The following ATP6V0A4 variants were observed in gnomAD, a reference collection of about 807,000 sequenced individuals.
ATP6V0A4 encodes the protein V-type proton ATPase 116 kDa subunit a 4.
ATP6V0A4 carries 86 observed loss-of-function variants against 107.3 expected under a neutral mutation model. The observed-to-expected ratio is 0.80, with a 90% CI of 0.67 to 0.96. ATP6V0A4 has a LOEUF of 0.96. ATP6V0A4 is among the 40% of genes least tolerant of loss of function. ATP6V0A4 has a pLI of 0.00. For missense variants in ATP6V0A4, 908 were observed against 1,045.6 expected, an observed-to-expected ratio of 0.87 and a Z score of 1.81; for synonymous variants, 353 against 381.4, an observed-to-expected ratio of 0.93 and a Z score of 0.87.
chr7:138,706,627 C>G lies in ATP6V0A4; in HGVS notation c.2520G>C (p.Glu840Asp). The G allele has an allele frequency of 6.2e-7, 1 of 1,613,936 alleles. No individual in the cohort carries two copies. The highest frequency in any genetic ancestry group is 8.5e-7 in the Non-Finnish European group (1 of 1,179,918). ...FKHILDGTAE[E>D] ...CGTGGGAGGTGCAGCCCTCAGCCTACTCCTCGGCTGTGCCATCCAGGATGT... is the reference window on the plus strand; with the variant it reads ...CGTGGGAGGTGCAGCCCTCAGCCTAGTCCTCGGCTGTGCCATCCAGGATGT... Residue 840 changes from glutamate (E) to aspartate (D), a missense_variant, in exon 22 of 22, where the codon GAG becomes GAC. Physicochemically the swap from Glu to Asp is conservative, Grantham distance 45. Transcript: ENST00000310018.
chr7:138,771,324 G>A lies in ATP6V0A4; in HGVS notation c.-17-60C>T, dbSNP rs1028805037. 50 of 1,566,696 alleles carry A rather than the reference G, an allele frequency of 3.2e-5. No homozygotes were observed. In the African/African-American group the frequency reaches 5.5e-4, roughly 17 times the overall value. On this transcript the variant is annotated intron_variant, in intron 2 of 21. Transcript: ENST00000310018. ...AGGTAATAAATGTGTGAAAACCTTAGGGTGAAATTTTTAAGTTAAATTAAA... is the reference window on the plus strand; with the variant it reads ...AGGTAATAAATGTGTGAAAACCTTAAGGTGAAATTTTTAAGTTAAATTAAA...
At chr7:138,759,706 G>T (rs1392732079) in intron 8 of ATP6V0A4, 46 bp downstream of exon 8, 1 of 1,599,696 alleles carries the variant, frequency 6.3e-7, no homozygotes, top group Non-Finnish European at 8.6e-7. Context: ...TCTGCTGAGG[G>T]CTATGGGAAG....
rs368646400 is a variant in ATP6V0A4 at position 138,798,050 on chromosome 7, G to A, written c.-137C>T. The A allele has an allele frequency of 2.5e-3, 3,964 of 1,559,220 alleles. 129 individuals are homozygous for A. In the South Asian group the frequency reaches 0.045, roughly 18 times the overall value. ...TCGACTCACCTGCAGCAGGCACTCG[G>A]CACAACTCCGCAGGACCGGCTCACC... On this transcript the variant is annotated 5_prime_UTR_variant, in exon 1 of 22. Transcript: ENST00000310018.
intron 10 of ATP6V0A4, among the ~76,000 whole-genome samples, chr7:138,754,721 C>T (rs372135547): frequency 8.3e-4 from 126 of 152,068 alleles, no homozygotes; most frequent in African/African-American, 2.9e-3. Context: ...CTCTCAGGTT[C>T]AAACGATTCT....
At position 138,732,897 on chromosome 7, in the gene ATP6V0A4, C is replaced by T. The variant is rs73730479; in HGVS notation, c.1888G>A (p.Ala630Thr). ...FLFNYSDSSN[A>T]PLYKHQQEVQ... is the part of the protein sequence containing the mutation. The stretch of plus-strand genomic sequence containing the variant: ...AATACCTGATGTTTGTAGAGGGGTG[C>T]GTTGGAAGAGTCACTGTAGTTAAAC... The change falls in exon 17 of 22, where the codon GCA becomes ACA. Residue 630 changes from alanine (A) to threonine (T), a missense_variant. Ala to Thr is a moderately conservative substitution (Grantham distance 58). Coordinates refer to ENST00000310018, the MANE Select transcript of ATP6V0A4 (RefSeq NM_020632.3). 8.3e-3 allele frequency: 13,398 copies of T among 1,609,448 alleles called. 519 individuals carry two copies. In the African/African-American group the frequency reaches 0.1, roughly 12 times the overall value.
rs1806523596 is a variant in ATP6V0A4, at chr7:138,756,554, A to G, written c.640-14T>C. The G allele has an allele frequency of 6.3e-7, 1 of 1,598,466 alleles. No individual in the cohort carries two copies. The highest frequency in any genetic ancestry group is 8.5e-7 in the Non-Finnish European group (1 of 1,174,222). ...AATTTCTTCTTTCTGGAAAATCAGA[A>G]TAAGTTAAAAAAAAAGGGGGGGGTT... On this transcript the variant is annotated splice_polypyrimidine_tract_variant and intron_variant, in intron 8 of 21. Transcript: ENST00000310018.
At chr7:138,758,770 T>TTTTTTTTTGG (rs1806637554) in intron 8 of ATP6V0A4, among the ~76,000 whole-genome samples, 6 of 80,774 alleles carry the variant, frequency 7.4e-5, no homozygotes, top group African/African-American at 1.8e-4. Flanking sequence ...TTTTTTTTTT[T>TTTTTTTTTGG]GAGGGAGTCT....
At chr7:138,775,457 A>G (rs1318163308) in intron 2 of ATP6V0A4, among the ~76,000 whole-genome samples, 1 of 152,046 alleles carries the variant, frequency 6.6e-6, no homozygotes, top group Non-Finnish European at 1.5e-5. Flanking sequence ...CTAGGATTCA[A>G]GTTTCCTAGA....
At chr7:138,763,973 A>T (rs995074629) in intron 5 of ATP6V0A4, among the ~76,000 whole-genome samples, 45 of 143,324 alleles carry the variant, frequency 3.1e-4, no homozygotes, top group African/African-American at 1.0e-3. Flanking sequence ...TCTCAAAAAA[A>T]AAATATATAT....
intron 3 of ATP6V0A4, among the ~76,000 whole-genome samples, chr7:138,770,372 T>C (rs1807321058): frequency 6.6e-6 from 1 of 152,126 alleles, no homozygotes; most frequent in African/African-American, 2.4e-5. Context: ...AATGGGGTCA[T>C]AAAAATGACC....
chr7:138,771,405 T>G, intron 2 of ATP6V0A4, 141 bp from the exon 3 acceptor site: 1 of 948,984 alleles, frequency 1.1e-6, no homozygotes, highest in Non-Finnish European at 1.5e-6. Flanking sequence ...GGAGACTTTT[T>G]TTTTTTTTTT....
At chr7:138,723,237 C>T (rs1335139082) in intron 18 of ATP6V0A4, among the ~76,000 whole-genome samples, 1 of 152,092 alleles carries the variant, frequency 6.6e-6, no homozygotes, top group Non-Finnish European at 1.5e-5. Flanking sequence ...ACAAAAGTGC[C>T]TTTCCATTGT....
intron 15 of ATP6V0A4, 116 bp from the exon 16 acceptor site, chr7:138,734,370 T>A: frequency 6.5e-7 from 1 of 1,526,826 alleles, no homozygotes; most frequent in South Asian, 1.1e-5. Flanking sequence ...TGCACTTTCA[T>A]ATTTCAGTCC....
intron 10 of ATP6V0A4, among the ~76,000 whole-genome samples, chr7:138,755,002 C>T (rs902090999): frequency 1.2e-4 from 19 of 152,180 alleles, no homozygotes; most frequent in Admixed American, 1.3e-4. Flanking sequence ...TTCAAGGGCT[C>T]AATAGCCACA....
chr7:138,793,085 G>T (rs762505739), intron 1 of ATP6V0A4, among the ~76,000 whole-genome samples: 21 of 152,060 alleles, frequency 1.4e-4, no homozygotes, highest in Non-Finnish European at 2.9e-4. Context: ...CCTGAGGTCA[G>T]GATTTCAAGA....
chr7:138,743,728 C>T (rs1562996035), intron 14 of ATP6V0A4, among the ~76,000 whole-genome samples: 2 of 152,150 alleles, frequency 1.3e-5, no homozygotes, highest in Non-Finnish European at 2.9e-5. Context: ...CAGAATGAGA[C>T]AGGGAAATCT....
intron 13 of ATP6V0A4, among the ~76,000 whole-genome samples, chr7:138,745,960 A>AATAT (rs1554396059): frequency 1.6e-5 from 1 of 63,750 alleles, no homozygotes; most frequent in Non-Finnish European, 2.8e-5. Flanking sequence ...AAAAAAAAAA[A>AATAT]AAATATATAT....
At chr7:138,775,786 G>A (rs1019084293) in intron 2 of ATP6V0A4, among the ~76,000 whole-genome samples, 1 of 151,852 alleles carries the variant, frequency 6.6e-6, no homozygotes, top group African/African-American at 2.4e-5. Flanking sequence ...AAGTAGCTGG[G>A]ACTATAGGCG....
Position 138,798,039 on chromosome 7 carries a change from G to T in ATP6V0A4, c.-126C>A. 6.4e-7 allele frequency: 1 copy of T among 1,555,392 alleles called. No individual in the cohort carries two copies. Among genetic ancestry groups the T allele is most frequent in the Non-Finnish European group, 8.7e-7 (1 of 1,149,426 alleles). On this transcript the variant is annotated 5_prime_UTR_variant, in exon 1 of 22. In the 5' UTR this introduces an upstream ATG that the reference lacks. Transcript: ENST00000310018. ...GCAGGTGGGAGTCGACTCACCTGCAGCAGGCACTCGGCACAACTCCGCAGG... is the reference window on the plus strand; with the variant it reads ...GCAGGTGGGAGTCGACTCACCTGCATCAGGCACTCGGCACAACTCCGCAGG...
Sources: gnomAD v4.1 joint callset for allele counts (sites outside exome capture counted in the v4.1 genomes callset) on GRCh38, gnomAD v4.1.1 for gene constraint, MANE v1.5 for transcripts, NCBI Gene and HGNC (gene_info 2026-07-23, HGNC 2026-07-21) for gene names.